PTK2: variants seen among roughly 807,000 people sequenced by gnomAD.
The protein encoded by PTK2 is protein tyrosine kinase 2.
A neutral mutation model predicts 150.1 loss-of-function variants in PTK2; 45 were observed. That is an observed-to-expected ratio of 0.30 (90% CI 0.24 to 0.38). The LOEUF is 0.38. Ranked by LOEUF, PTK2 falls within the 10% of genes least tolerant of loss-of-function variation. The probability of loss-of-function intolerance (pLI) is 1.00; values close to 1 mark genes in which losing one functional copy is unlikely to be tolerated. For missense variants in PTK2, 919 were observed against 1,307.3 expected, an observed-to-expected ratio of 0.70 and a Z score of 4.58; for synonymous variants, 432 against 449.2, an observed-to-expected ratio of 0.96 and a Z score of 0.48.
At chr8:140,988,562 T>C (rs999711642) in intron 1 of PTK2, among the ~76,000 whole-genome samples, 1 of 151,940 alleles carries the variant, frequency 6.6e-6, no homozygotes, top group Admixed American at 6.6e-5. Flanking sequence ...ACTCCATCTC[T>C]ACTGAAAATA....
intron 1 of PTK2, among the ~76,000 whole-genome samples, chr8:140,978,585 GGC>G (rs1238980294): frequency 1.4e-4 from 21 of 151,470 alleles, no homozygotes; most frequent in African/African-American, 4.3e-4. Flanking sequence ...CAGTTAGAAT[GGC>G]AATCATTAAA....
intron 4 of PTK2, among the ~76,000 whole-genome samples, chr8:140,865,481 T>A (rs527989328): frequency 2.6e-5 from 4 of 152,256 alleles, no homozygotes; most frequent in Non-Finnish European, 5.9e-5. Context: ...TTAGACATAG[T>A]GAATATCCTC....
chr8:140,902,272 C>T lies in PTK2; in HGVS notation c.-32-11503G>A, dbSNP rs538610618. Among the ~76,000 whole-genome samples, 12 of 151,314 alleles carry T rather than the reference C, an allele frequency of 7.9e-5. No homozygotes were observed. The South Asian group carries it at 2.3e-3, about 29-fold the overall frequency. ...CTGGTCTCAAACTCCTGACATCAGG[C>T]GATCCACACGCCTCGGCCTCCAAAA... is the stretch of plus-strand genomic sequence containing the variant. On this transcript the variant is annotated intron_variant, in intron 2 of 31. Coordinates refer to ENST00000522684, the Ensembl canonical transcript of PTK2.
At chr8:140,692,708 T>G (rs975363618) in intron 26 of PTK2, among the ~76,000 whole-genome samples, 1 of 152,116 alleles carries the variant, frequency 6.6e-6, no homozygotes, top group Admixed American at 6.6e-5. Context: ...CTAGAAAACT[T>G]CAAATTTAAG....
At chr8:140,803,899 G>A (rs550819349) in intron 10 of PTK2, among the ~76,000 whole-genome samples, 14 of 152,226 alleles carry the variant, frequency 9.2e-5, no homozygotes, top group African/African-American at 3.4e-4. Context: ...TTGGATGAGT[G>A]AGAGTACAGT....
chr8:140,676,943 CAAAA>C (rs71320398), intron 27 of PTK2, among the ~76,000 whole-genome samples: 9 of 85,916 alleles, frequency 1.0e-4, no homozygotes, highest in African/African-American at 3.1e-4. Context: ...GACTCCATCT[CAAAA>C]AAAAAAAAAA....
rs368185599 is a variant in PTK2 at position 140,753,166 on chromosome 8, C to CCAGGTGA, written c.1333-857_1333-851dup. On this transcript the variant is annotated intron_variant, in intron 16 of 31. Transcript: ENST00000522684. ...TTCTGCGGGTGGCTACCACAGTACCCCAGGTGACAGGTGACAGGTGATGGT... is the reference window on the plus strand; with the variant it reads ...TTCTGCGGGTGGCTACCACAGTACCCCAGGTGACAGGTGACAGGTGACAGGTGATGGT... 4.1e-3 allele frequency among the ~76,000 whole-genome samples: 627 copies of CCAGGTGA among 152,168 alleles called. 9 individuals carry two copies. Among genetic ancestry groups the CCAGGTGA allele is most frequent in the African/African-American group, 0.014 (597 of 41,508 alleles).
chr8:140,779,986 C>A lies in PTK2; in HGVS notation c.1177+9488G>T, dbSNP rs143652624. Among the ~76,000 whole-genome samples the A allele has an allele frequency of 7.2e-5, 11 of 152,132 alleles. No homozygotes were observed. The East Asian group carries it at 1.5e-3, about 21-fold the overall frequency. Reference sequence around the variant, plus strand: ...CTATTCCAACAATGTGAAAAACACACAAATTCATACTGATATTTTAAAAAG... The same window carrying A: ...CTATTCCAACAATGTGAAAAACACAAAAATTCATACTGATATTTTAAAAAG... On this transcript the variant is annotated intron_variant, in intron 14 of 31. Coordinates refer to ENST00000522684, the Ensembl canonical transcript of PTK2.
intron 1 of PTK2, among the ~76,000 whole-genome samples, chr8:140,927,940 G>GAAAAAAAAAA (rs779534564): frequency 2.8e-5 from 1 of 36,268 alleles, no homozygotes; most frequent in Non-Finnish European, 4.8e-5. Context: ...ATCTCAAAAA[G>GAAAAAAAAAA]AAAAAAAAAA....
At chr8:140,929,315 C>G (rs1186021566) in intron 1 of PTK2, among the ~76,000 whole-genome samples, 1 of 152,116 alleles carries the variant, frequency 6.6e-6, no homozygotes, top group African/African-American at 2.4e-5. Context: ...GAGTAAATCT[C>G]ATTTATATTT....
intron 3 of PTK2, 116 bp downstream of exon 3, chr8:140,890,427 A>T (rs916707415): frequency 1.3e-6 from 1 of 786,082 alleles, no homozygotes; most frequent in Non-Finnish European, 2.0e-6. Flanking sequence ...CATTTCTGTA[A>T]TATGAAAAGT....
chr8:140,885,895 G>C (rs1568183867), intron 3 of PTK2, among the ~76,000 whole-genome samples: 1 of 152,120 alleles, frequency 6.6e-6, no homozygotes, highest in African/African-American at 2.4e-5. Flanking sequence ...GAGGAGTGAA[G>C]TGCTCTGGCT....
At chr8:140,928,309 G>C (rs1467068731) in intron 1 of PTK2, among the ~76,000 whole-genome samples, 1 of 152,080 alleles carries the variant, frequency 6.6e-6, no homozygotes, top group Non-Finnish European at 1.5e-5. Context: ...TAGAAAATAA[G>C]GTTTGGCAAG....
intron 27 of PTK2, among the ~76,000 whole-genome samples, chr8:140,677,435 T>C (rs561822798): frequency 2.0e-5 from 3 of 152,334 alleles, no homozygotes; most frequent in South Asian, 2.1e-4. Flanking sequence ...CAAGTTGTCA[T>C]ACCTGAAACT....
chr8:140,659,009 GATA>G (rs1563708566), exon 32 of PTK2: 2 of 227,726 alleles, frequency 8.8e-6, no homozygotes, highest in African/African-American at 4.4e-5. Flanking sequence ...TTCCAGTCTG[GATA>G]ATAATTCTAT....
At chr8:140,717,663 T>G in exon 23 of PTK2, 1 of 1,614,126 alleles carries the variant, frequency 6.2e-7, no homozygotes, top group Non-Finnish European at 8.5e-7. Flanking sequence ...CTGGACTCCA[T>G]CCTCATGCGC....
At chr8:140,780,216 C>T (rs759661646) in intron 14 of PTK2, among the ~76,000 whole-genome samples, 41 of 152,074 alleles carry the variant, frequency 2.7e-4, no homozygotes, top group Admixed American at 9.8e-4. Flanking sequence ...CACAGGGTGC[C>T]ATTTTGTGGC....
intron 14 of PTK2, among the ~76,000 whole-genome samples, chr8:140,778,382 C>T (rs1490134015): frequency 1.3e-5 from 2 of 152,270 alleles, no homozygotes; most frequent in East Asian, 1.9e-4. Context: ...ACCCGGGAAG[C>T]GGAGATTGCA....
At chr8:140,676,193 T>A (rs1342510062) in intron 27 of PTK2, among the ~76,000 whole-genome samples, 1 of 152,004 alleles carries the variant, frequency 6.6e-6, no homozygotes, top group Admixed American at 6.6e-5. Context: ...CTGGCCAACA[T>A]GGCAAAACCC....
Sources: allele counts gnomAD v4.1 joint callset (sites outside exome capture counted in the v4.1 genomes callset), GRCh38; gene constraint gnomAD v4.1.1; transcripts MANE v1.5; gene names NCBI Gene and HGNC (gene_info 2026-07-23, HGNC 2026-07-21).